Variants in GALNT2 observed in about 807,000 individuals in gnomAD.
GALNT2 encodes the protein polypeptide N-acetylgalactosaminyltransferase 2.
In GALNT2, 31 loss-of-function variants were observed where a neutral mutation model predicts 81.4. That is an observed-to-expected ratio of 0.38 (90% CI 0.29 to 0.51). The LOEUF (loss-of-function observed/expected upper bound fraction) is 0.51, where lower values mean the gene tolerates loss of function less well. Ranked by LOEUF, GALNT2 falls within the 20% of genes least tolerant of loss-of-function variation. GALNT2 has a pLI of 0.87. For missense variants in GALNT2, 629 were observed against 765.7 expected (o/e 0.82, Z 2.11); for synonymous variants, 303 against 287.4 (o/e 1.05, Z -0.55).
intron 1 of GALNT2, among the ~76,000 whole-genome samples, chr1:230,157,673 C>T (rs574312180): frequency 2.0e-5 from 3 of 152,300 alleles, no homozygotes; most frequent in South Asian, 2.1e-4. Flanking sequence ...GAGACAAGCA[C>T]GGTTCACACA....
intron 3 of GALNT2, among the ~76,000 whole-genome samples, chr1:230,225,877 C>T (rs1327659034): frequency 3.3e-5 from 5 of 152,102 alleles, no homozygotes; most frequent in Admixed American, 6.5e-5. Flanking sequence ...GGGGCCTTTT[C>T]GAATTCAGAT....
At chr1:230,101,908 C>T (rs1004414185) in intron 1 of GALNT2, among the ~76,000 whole-genome samples, 1 of 152,212 alleles carries the variant, frequency 6.6e-6, no homozygotes. Flanking sequence ...GTTTCCTTAT[C>T]TTCTATTCTG....
At chr1:230,142,323 C>T (rs375455097) in intron 1 of GALNT2, among the ~76,000 whole-genome samples, 3 of 152,136 alleles carry the variant, frequency 2.0e-5, no homozygotes, top group Non-Finnish European at 4.4e-5. Context: ...ACAGGGTCTG[C>T]GAGAACTCCA....
At chr1:230,077,269 C>T (rs1300094212) in intron 1 of GALNT2, among the ~76,000 whole-genome samples, 2 of 152,202 alleles carry the variant, frequency 1.3e-5, no homozygotes, top group South Asian at 2.1e-4. Flanking sequence ...CCTGCCCTGC[C>T]GCACTCTCCT....
chr1:230,148,322 G>A (rs966739774), intron 1 of GALNT2, among the ~76,000 whole-genome samples: 1 of 152,222 alleles, frequency 6.6e-6, no homozygotes. Flanking sequence ...ACCTGATAGG[G>A]AAAGGGGGCG....
chr1:230,076,982 A>G, intron 1 of GALNT2, among the ~76,000 whole-genome samples: 2 of 152,188 alleles, frequency 1.3e-5, no homozygotes, highest in East Asian at 3.8e-4. Flanking sequence ...CTTCAAATGA[A>G]GGGTCTTTCT....
At chr1:230,202,823 A>G (rs1458904918) in intron 2 of GALNT2, among the ~76,000 whole-genome samples, 1 of 152,236 alleles carries the variant, frequency 6.6e-6, no homozygotes, top group African/African-American at 2.4e-5. Context: ...AGCTGAGAAC[A>G]TCTCCTTTTA....
chr1:230,268,431 C>T (rs1179774082), intron 14 of GALNT2: 1 of 152,266 alleles, frequency 6.6e-6, no homozygotes, highest in African/African-American at 2.4e-5. Flanking sequence ...CACTGTCACT[C>T]TGCAGTGTTC....
chr1:230,109,009 A>G (rs1008048315), intron 1 of GALNT2, among the ~76,000 whole-genome samples: 6 of 152,234 alleles, frequency 3.9e-5, no homozygotes, highest in Non-Finnish European at 7.3e-5. Flanking sequence ...AGCAGGATAT[A>G]TATGTTAGAA....
chr1:230,152,059 CTG>C (rs1337101920), intron 1 of GALNT2, among the ~76,000 whole-genome samples: 1 of 152,188 alleles, frequency 6.6e-6, no homozygotes, highest in Non-Finnish European at 1.5e-5. Flanking sequence ...GGCTCCTTTA[CTG>C]TAGCCTGTCT....
chr1:230,227,821 C>G (rs893713383), intron 3 of GALNT2, among the ~76,000 whole-genome samples: 1 of 152,070 alleles, frequency 6.6e-6, no homozygotes, highest in African/African-American at 2.4e-5. Flanking sequence ...AAGATAGGAT[C>G]AAGGCAAGGT....
At chr1:230,252,144 G>GGCCAT in intron 10 of GALNT2, among the ~76,000 whole-genome samples, 1 of 152,260 alleles carries the variant, frequency 6.6e-6, no homozygotes, top group Non-Finnish European at 1.5e-5. Context: ...CACGTGAGAA[G>GGCCAT]GCCATGCCGT....
Position 230,243,758 on chromosome 1 carries a change from A to G in GALNT2, c.729+331A>G, listed in dbSNP as rs924543482. Among the ~76,000 whole-genome samples the G allele has an allele frequency of 6.6e-6, 1 of 152,160 alleles. No individual in the cohort carries two copies. The highest frequency in any genetic ancestry group is 1.5e-5 in the Non-Finnish European group (1 of 68,026). Reference sequence around the variant, plus strand: ...TTTCCTTCCCCGCCTACAGCTTCGCAGAGTGCTTAGAACATTGCCCGGCAC... The same window carrying G: ...TTTCCTTCCCCGCCTACAGCTTCGCGGAGTGCTTAGAACATTGCCCGGCAC... On this transcript the variant is annotated intron_variant, in intron 7 of 15. Coordinates refer to ENST00000366672, the MANE Select transcript of GALNT2 (RefSeq NM_004481.5). The surrounding 1 kb of genome is among the most constrained non-coding windows in gnomAD (Gnocchi z 4.2).
chr1:230,188,882 G>T (rs1663427145), intron 2 of GALNT2, among the ~76,000 whole-genome samples: 1 of 152,052 alleles, frequency 6.6e-6, no homozygotes, highest in Non-Finnish European at 1.5e-5. Context: ...CCCTTGGTGT[G>T]GAAAAACTTC....
intron 1 of GALNT2, among the ~76,000 whole-genome samples, chr1:230,171,586 C>T (rs6541299): frequency 0.14 from 20,552 of 152,166 alleles, 2,379 homozygotes; most frequent in African/African-American, 0.3. Flanking sequence ...TATATTTCAG[C>T]AAGCAGAGAT....
At chr1:230,225,014 A>G (rs1664664511) in intron 3 of GALNT2, among the ~76,000 whole-genome samples, 1 of 152,228 alleles carries the variant, frequency 6.6e-6, no homozygotes, top group South Asian at 2.1e-4. Context: ...ATTTTTAAGA[A>G]GCTTGATTTC....
chr1:230,223,098 C>CT (rs1664598571), intron 3 of GALNT2, among the ~76,000 whole-genome samples: 1 of 151,866 alleles, frequency 6.6e-6, no homozygotes. Context: ...GGAGTTTCTG[C>CT]TTATTTCTAA....
chr1:230,066,633 C>T (rs570657124), upstream of GALNT2, among the ~76,000 whole-genome samples: 270 of 152,322 alleles, frequency 1.8e-3, no homozygotes, highest in Admixed American at 2.7e-3. Context: ...CGGGTTCAAG[C>T]GGGCGGTTTG....
chr1:230,217,946 A>G (rs1249483925), intron 3 of GALNT2, among the ~76,000 whole-genome samples: 2 of 152,228 alleles, frequency 1.3e-5, no homozygotes, highest in African/African-American at 4.8e-5. Flanking sequence ...TGTAGCAGCC[A>G]TTGAGTGAGA....
Sources: gnomAD v4.1 joint callset for allele counts (sites outside exome capture counted in the v4.1 genomes callset) on GRCh38, gnomAD v4.1.1 for gene constraint, Gnocchi (gnomAD v3.1) non-coding constraint, MANE v1.5 for transcripts, NCBI Gene and HGNC (gene_info 2026-07-23, HGNC 2026-07-21) for gene names.